Variants in CHD6 observed in about 807,000 individuals in gnomAD.
The protein encoded by CHD6 is ATP-dependent chromatin remodeler CHD6.
CHD6 carries 50 observed loss-of-function variants against 276.9 expected under a neutral mutation model. The ratio of observed to expected loss-of-function variants is 0.18; its 90% CI spans 0.14 to 0.23. The LOEUF (loss-of-function observed/expected upper bound fraction) is 0.23. Ranked by LOEUF, CHD6 falls within the 10% of genes least tolerant of loss-of-function variation. The pLI is 1.00. For synonymous variants in CHD6, 1,173 were observed against 1,229.3 expected (o/e 0.95, Z 0.96); for missense variants, 2,564 against 3,365.8 (o/e 0.76, Z 5.89).
intron 25 of CHD6, among the ~76,000 whole-genome samples, chr20:41,441,814 G>A (rs780318856): frequency 3.9e-5 from 6 of 152,228 alleles, no homozygotes; most frequent in Non-Finnish European, 8.8e-5. Context: ...AAAGAGCAAC[G>A]TGACAGACCC....
At chr20:41,591,524 C>T (rs1601175122) in intron 1 of CHD6, among the ~76,000 whole-genome samples, 1 of 151,592 alleles carries the variant, frequency 6.6e-6, no homozygotes, top group East Asian at 1.9e-4. Flanking sequence ...AACTCCGTCT[C>T]TACTAAAAAA....
chr20:41,598,193 T>C (rs1473247168), intron 1 of CHD6, among the ~76,000 whole-genome samples: 1 of 152,172 alleles, frequency 6.6e-6, no homozygotes, highest in Admixed American at 6.5e-5. Context: ...CATTAAGTCG[T>C]TTCTAGGGTA....
intron 2 of CHD6, among the ~76,000 whole-genome samples, chr20:41,537,620 T>C (rs1368005590): frequency 1.3e-5 from 2 of 152,098 alleles, no homozygotes; most frequent in Non-Finnish European, 2.9e-5. Flanking sequence ...GTGTCTAGAA[T>C]ATATAAAGAA....
intron 1 of CHD6, among the ~76,000 whole-genome samples, chr20:41,554,585 G>A (rs903938384): frequency 6.6e-6 from 1 of 151,186 alleles, no homozygotes; most frequent in Non-Finnish European, 1.5e-5. Context: ...AGGGAGTGGT[G>A]ATGACTCTTA....
intron 1 of CHD6, among the ~76,000 whole-genome samples, chr20:41,607,869 G>T (rs1176198182): frequency 6.6e-6 from 1 of 151,718 alleles, no homozygotes; most frequent in Non-Finnish European, 1.5e-5. Flanking sequence ...AAAAAGAAAA[G>T]GTATCTGCCT....
rs572070771 is a variant in CHD6, at chr20:41,403,416, A to G, written c.*1177T>C. 9.4e-7 allele frequency: 1 copy of G among 1,062,022 alleles called. No homozygotes were observed. Among genetic ancestry groups the G allele is most frequent in the African/African-American group, 1.6e-5 (1 of 61,014 alleles). 65.8% of individuals were successfully genotyped at this position (1,062,022 alleles called of 1,614,324 possible). ...TCTTTCTCAGTTCCTAAACATGGAG[A>G]AGCTGAGGAAGAAGAGAAAATAATG... is the stretch of plus-strand genomic sequence containing the variant. On this transcript the variant is annotated 3_prime_UTR_variant, in exon 37 of 37. Coordinates refer to ENST00000373233, the MANE Select transcript of CHD6 (RefSeq NM_032221.5).
chr20:41,498,298 G>T, intron 6 of CHD6, 72 bp from the exon 7 acceptor site: 1 of 1,022,148 alleles, frequency 9.8e-7, no homozygotes, highest in Non-Finnish European at 1.5e-6. Context: ...AAAGAAAACA[G>T]GTAATCAATA....
chr20:41,423,741 T>C (rs775979556), intron 29 of CHD6, 41 bp from the exon 30 acceptor site: 1 of 1,531,678 alleles, frequency 6.5e-7, no homozygotes. Flanking sequence ...CTCTTTCTTC[T>C]TTTTTTAAAG....
At chr20:41,491,252 C>G (rs1039081909) in intron 11 of CHD6, among the ~76,000 whole-genome samples, 4 of 150,384 alleles carry the variant, frequency 2.7e-5, no homozygotes, top group Non-Finnish European at 5.9e-5. Flanking sequence ...TACAAAGAGT[C>G]AAGAAGTTTT....
Position 41,498,089 on chromosome 20 carries a change from G to T in CHD6, c.974+79C>A, listed in dbSNP as rs771164599. 8.8e-5 allele frequency: 86 copies of T among 981,024 alleles called. No individual in the cohort carries two copies. In the Admixed American group the frequency reaches 1.3e-3, roughly 15 times the overall value. The allele number at this position is 981,024 out of a possible 1,614,324, so 60.8% of individuals were successfully genotyped here. A position where few individuals can be genotyped will look rare whatever the true frequency, so the allele number is the denominator to read the frequency against. ...TTAGAGGCAAGACTCTGAAGATGTA[G>T]AAGATAATAAAGTCACAAGAGAAAA... is the stretch of plus-strand genomic sequence containing the variant. On this transcript the variant is annotated intron_variant, in intron 7 of 36. Transcript: ENST00000373233.
chr20:41,546,691 G>A (rs996572123), intron 2 of CHD6, among the ~76,000 whole-genome samples: 6 of 152,132 alleles, frequency 3.9e-5, no homozygotes, highest in Admixed American at 2.0e-4. Flanking sequence ...AATGATTAGA[G>A]TTCACATTTT....
In CHD6 at chr20:41,421,393, C is replaced by T. The variant is rs776369908; in HGVS notation, c.5242G>A (p.Gly1748Ser). Residue 1748 changes from glycine to serine, a missense_variant, in exon 31 of 37, where the codon GGT (glycine) becomes AGT (serine). Around this residue, in one of 7 missense-constraint regions of CHD6, gnomAD observed 1,024 missense variants for 1,047.9 expected, o/e 0.98. Transcript: ENST00000373233. ...GAAGCTATTTCTGCCTCAGGGCCAC[C>T]AGACTGGCAGTTCCCATCTTTGCTT... is the stretch of plus-strand genomic sequence containing the variant. Reference protein sequence around the residue: ...SISKDGNCQSGGPEAEIASGP... With the variant: ...SISKDGNCQSSGPEAEIASGP... 9.3e-6 allele frequency: 15 copies of T among 1,614,154 alleles called. No individual in the cohort carries two copies. The South Asian group carries it at 1.5e-4, about 17-fold the overall frequency.
At chr20:41,605,930 C>CAA (rs1205793993) in intron 1 of CHD6, among the ~76,000 whole-genome samples, 1 of 152,184 alleles carries the variant, frequency 6.6e-6, no homozygotes, top group East Asian at 1.9e-4. Flanking sequence ...CTACTATGTA[C>CAA]AAACCTCTAT....
intron 2 of CHD6, among the ~76,000 whole-genome samples, chr20:41,544,623 T>G (rs112004906): frequency 6.6e-6 from 1 of 151,164 alleles, no homozygotes; most frequent in Non-Finnish European, 1.5e-5. Flanking sequence ...AATATTAAAT[T>G]TTAATATTAA....
At chr20:41,432,806 T>A (rs140582726) in intron 27 of CHD6, among the ~76,000 whole-genome samples, 169 of 152,114 alleles carry the variant, frequency 1.1e-3, no homozygotes, top group African/African-American at 3.9e-3. Flanking sequence ...AATTTAACAG[T>A]CATCAGTGAG....
At chr20:41,520,896 A>G (rs2044376880) in intron 3 of CHD6, among the ~76,000 whole-genome samples, 1 of 152,226 alleles carries the variant, frequency 6.6e-6, no homozygotes, top group South Asian at 2.1e-4. Flanking sequence ...GCAGTGTTAA[A>G]AGAGTATAAT....
chr20:41,608,415 T>TA (rs1274572039), intron 1 of CHD6, among the ~76,000 whole-genome samples: 1 of 152,216 alleles, frequency 6.6e-6, no homozygotes, highest in African/African-American at 2.4e-5. Flanking sequence ...ATAGTATCTT[T>TA]ATTATTTTAG....
intron 5 of CHD6, among the ~76,000 whole-genome samples, chr20:41,499,888 A>G (rs1467168882): frequency 6.6e-6 from 1 of 152,178 alleles, no homozygotes; most frequent in Non-Finnish European, 1.5e-5. Flanking sequence ...AAATCAAGGT[A>G]TAATTATTCT....
chr20:41,609,455 A>G (rs1314460963), intron 1 of CHD6, among the ~76,000 whole-genome samples: 2 of 152,224 alleles, frequency 1.3e-5, no homozygotes, highest in Middle Eastern at 3.2e-3. Flanking sequence ...CTGCTTTGTG[A>G]GTATACAACC....
Sources: allele counts gnomAD v4.1 joint callset (sites outside exome capture counted in the v4.1 genomes callset), GRCh38; gene constraint gnomAD v4.1.1; regional missense constraint gnomAD v4.1.1; transcripts MANE v1.5; gene names NCBI Gene and HGNC (gene_info 2026-07-23, HGNC 2026-07-21).